The following LZTS1 variants were observed in gnomAD, a reference collection of about 807,000 sequenced individuals.
LZTS1 encodes leucine zipper tumor suppressor 1.
A neutral mutation model predicts 45.8 loss-of-function variants in LZTS1; 31 were observed. The ratio of observed to expected loss-of-function variants is 0.68; its 90% confidence interval spans 0.51 to 0.91. The LOEUF (loss-of-function observed/expected upper bound fraction) is 0.91, where lower values mean the gene tolerates loss of function less well. Ranked by LOEUF, LZTS1 falls within the 40% of genes least tolerant of loss-of-function variation. LZTS1 has a pLI of 0.00. For synonymous variants in LZTS1, 359 were observed against 357.3 expected (o/e 1.00, Z -0.05); for missense variants, 821 against 788.9 (o/e 1.04, Z -0.49).
At chr8:20,303,295 T>C (rs1399412877) in intron 1 of LZTS1, among the ~76,000 whole-genome samples, 18 of 152,022 alleles carry the variant, frequency 1.2e-4, no homozygotes, top group Non-Finnish European at 1.0e-4. Context: ...TCTGCAAAGT[T>C]CCAGGCGGCG....
chr8:20,251,713 G>C (rs766698789), intron 3 of LZTS1, among the ~76,000 whole-genome samples: 3 of 152,218 alleles, frequency 2.0e-5, no homozygotes, highest in Non-Finnish European at 2.9e-5. Flanking sequence ...ATTGGGCTCT[G>C]CATCCAAGCC....
chr8:20,286,565 C>T (rs953026586), intron 1 of LZTS1, among the ~76,000 whole-genome samples: 6 of 152,222 alleles, frequency 3.9e-5, no homozygotes, highest in African/African-American at 1.4e-4. Flanking sequence ...GGAGTGCAGA[C>T]ATGCTCAGCC....
chr8:20,254,581 T>C (rs1380015876), intron 2 of LZTS1, among the ~76,000 whole-genome samples: 1 of 152,214 alleles, frequency 6.6e-6, no homozygotes, highest in African/African-American at 2.4e-5. Flanking sequence ...AAAGCTCACA[T>C]ATCCCCTGTG....
chr8:20,281,885 G>T (rs1362433301), intron 1 of LZTS1, among the ~76,000 whole-genome samples: 1 of 152,096 alleles, frequency 6.6e-6, no homozygotes, highest in African/African-American at 2.4e-5. Context: ...AAAATAAATG[G>T]ACTAATACAG....
At chr8:20,267,955 G>A (rs1355669498) in intron 1 of LZTS1, among the ~76,000 whole-genome samples, 1 of 152,138 alleles carries the variant, frequency 6.6e-6, no homozygotes, top group Non-Finnish European at 1.5e-5. Flanking sequence ...TGTCAGATAA[G>A]CACAGTTGAT....
intron 1 of LZTS1, among the ~76,000 whole-genome samples, chr8:20,278,034 G>A (rs185329227): frequency 6.6e-6 from 1 of 152,168 alleles, no homozygotes; most frequent in Admixed American, 6.5e-5. Context: ...GGCATGAGCA[G>A]GGCAGGAGAG....
intron 1 of LZTS1, among the ~76,000 whole-genome samples, chr8:20,295,321 G>T (rs1800963017): frequency 6.6e-6 from 1 of 152,206 alleles, no homozygotes; most frequent in African/African-American, 2.4e-5. Flanking sequence ...TTCCTGGCTG[G>T]TCTGTTCTGC....
chr8:20,259,014 C>T (rs192719479), intron 1 of LZTS1, among the ~76,000 whole-genome samples: 16 of 152,218 alleles, frequency 1.1e-4, no homozygotes, highest in Admixed American at 4.6e-4. Flanking sequence ...TCCTATGGGG[C>T]GAAAATACTA....
chr8:20,266,371 G>A (rs1800354562), intron 1 of LZTS1, among the ~76,000 whole-genome samples: 2 of 152,094 alleles, frequency 1.3e-5, no homozygotes, highest in African/African-American at 4.8e-5. Flanking sequence ...GGAGGCACAG[G>A]GACTACTGAC....
At chr8:20,287,870 A>G (rs1455490841) in intron 1 of LZTS1, among the ~76,000 whole-genome samples, 1 of 147,390 alleles carries the variant, frequency 6.8e-6, no homozygotes, top group Non-Finnish European at 1.5e-5. Context: ...AGGTTGCAGT[A>G]AGCTAATCAC....
intron 3 of LZTS1, among the ~76,000 whole-genome samples, chr8:20,251,098 A>ATATAT (rs1799884172): frequency 2.4e-5 from 1 of 41,396 alleles, no homozygotes; most frequent in Non-Finnish European, 5.7e-5. Context: ...CCTGAGGGCT[A>ATATAT]ATATATATAT....
intron 1 of LZTS1, among the ~76,000 whole-genome samples, chr8:20,301,376 A>G (rs1457824127): frequency 6.6e-6 from 1 of 152,198 alleles, no homozygotes; most frequent in African/African-American, 2.4e-5. Flanking sequence ...GTGAAAATTA[A>G]ATGAGATAAT....
At chr8:20,266,934 C>G (rs1005690465) in intron 1 of LZTS1, among the ~76,000 whole-genome samples, 1 of 151,636 alleles carries the variant, frequency 6.6e-6, no homozygotes, top group African/African-American at 2.4e-5. Flanking sequence ...ATGGTGAAAC[C>G]CTGTCTCTAC....
chr8:20,273,903 C>G (rs367711635), intron 1 of LZTS1, among the ~76,000 whole-genome samples: 2 of 152,046 alleles, frequency 1.3e-5, no homozygotes, highest in African/African-American at 4.8e-5. Context: ...TTCATGTCAT[C>G]CGCCACCACT....
chr8:20,280,442 T>A (rs573863989), intron 1 of LZTS1, among the ~76,000 whole-genome samples: 6 of 152,282 alleles, frequency 3.9e-5, no homozygotes, highest in East Asian at 1.9e-4. Flanking sequence ...TCATTCACTG[T>A]ACCTCATTGT....
chr8:20,270,334 C>T (rs117443699), intron 1 of LZTS1, among the ~76,000 whole-genome samples: 2 of 152,198 alleles, frequency 1.3e-5, no homozygotes, highest in African/African-American at 2.4e-5. Flanking sequence ...TGCTGAGAGG[C>T]GCTGCTACAA....
chr8:20,258,648 G>A (rs1425124835), intron 1 of LZTS1, among the ~76,000 whole-genome samples: 2 of 152,170 alleles, frequency 1.3e-5, no homozygotes, highest in East Asian at 1.9e-4. Flanking sequence ...TCATAGGATC[G>A]TTATGAGAAA....
intron 1 of LZTS1, among the ~76,000 whole-genome samples, chr8:20,291,629 G>C (rs910196184): frequency 6.6e-5 from 10 of 150,678 alleles, no homozygotes; most frequent in Non-Finnish European, 1.3e-4. Context: ...CTGCGATTGA[G>C]CACCCTTTCT....
chr8:20,250,445 ACCAAG>A, intron 3 of LZTS1, 82 bp from the exon 4 acceptor site: 1 of 1,390,588 alleles, frequency 7.2e-7, no homozygotes. Context: ...GCCTAAAATA[ACCAAG>A]CCACTCCGGA....
Sources: gnomAD v4.1 joint callset for allele counts (sites outside exome capture counted in the v4.1 genomes callset) on GRCh38, gnomAD v4.1.1 for gene constraint, MANE v1.5 for transcripts, NCBI Gene and HGNC (gene_info 2026-07-23, HGNC 2026-07-21) for gene names.